The following NCOA2 variants were observed in gnomAD, a reference collection of about 807,000 sequenced individuals.
NCOA2 encodes the protein nuclear receptor coactivator 2.
NCOA2 carries 21 observed loss-of-function variants against 145.1 expected under a neutral mutation model. The observed-to-expected ratio is 0.14, with a 90% CI of 0.10 to 0.21. The LOEUF (loss-of-function observed/expected upper bound fraction) is 0.21. NCOA2 is among the 10% of genes least tolerant of loss of function. NCOA2 has a pLI of 1.00. For synonymous variants in NCOA2, 619 were observed against 637.5 expected, an observed-to-expected ratio of 0.97 and a Z score of 0.44; for missense variants, 1,472 against 1,837.6, an observed-to-expected ratio of 0.80 and a Z score of 3.64.
chr8:70,237,684 T>C (rs918685104), intron 2 of NCOA2, among the ~76,000 whole-genome samples: 1 of 152,120 alleles, frequency 6.6e-6, no homozygotes, highest in Non-Finnish European at 1.5e-5. Flanking sequence ...GTGAGAGGAC[T>C]GCTTGAGCCC....
Position 70,321,793 on chromosome 8 carries a change from CTTTTTTTTT to C in NCOA2, c.-76-25002_-76-24994del, listed in dbSNP as rs559680322. On this transcript the variant is annotated intron_variant, in intron 1 of 22. Transcript: ENST00000452400. ...TGCTTTCCTAAGTTTCAGAATATAC[CTTTTTTTTT>C]TTTTTTTTTTTTTTTTTTTGGTGAA... 3.6e-3 allele frequency among the ~76,000 whole-genome samples: 265 copies of C among 73,592 alleles called. 5 individuals are homozygous for C. The highest frequency in any genetic ancestry group is 0.015 in the African/African-American group (238 of 15,924). The allele number at this position is 73,592 out of a possible 152,430, so 48.3% of individuals were successfully genotyped here. A position where few individuals can be genotyped will look rare whatever the true frequency, so the allele number is the denominator to read the frequency against.
At chr8:70,311,728 C>A (rs1805140340) in intron 1 of NCOA2, among the ~76,000 whole-genome samples, 1 of 152,134 alleles carries the variant, frequency 6.6e-6, no homozygotes, top group Admixed American at 6.5e-5. Flanking sequence ...CTCTGTGAGA[C>A]CCAAGGCCAA....
intron 2 of NCOA2, among the ~76,000 whole-genome samples, chr8:70,276,722 G>A (rs1021555491): frequency 2.0e-5 from 3 of 152,164 alleles, no homozygotes; most frequent in Non-Finnish European, 4.4e-5. Flanking sequence ...GTGAAACTGT[G>A]AGTCAATTAA....
chr8:70,149,796 A>G (rs1371530499), intron 11 of NCOA2, among the ~76,000 whole-genome samples: 6 of 152,208 alleles, frequency 3.9e-5, no homozygotes, highest in Non-Finnish European at 8.8e-5. Context: ...GATTTTCTTG[A>G]TGTGTAAGTG....
intron 1 of NCOA2, among the ~76,000 whole-genome samples, chr8:70,317,578 T>C (rs1359070512): frequency 1.3e-5 from 2 of 152,150 alleles, no homozygotes; most frequent in Non-Finnish European, 2.9e-5. Context: ...TATGAGTAAG[T>C]GTTAGGTCCC....
the NCOA2 span, among the ~76,000 whole-genome samples, chr8:70,420,435 T>C: frequency 8.5e-4 from 129 of 152,270 alleles, no homozygotes; most frequent in Middle Eastern, 3.4e-3. Context: ...CAGGTGAGTC[T>C]AATGTGAAGG....
intron 1 of NCOA2, among the ~76,000 whole-genome samples, chr8:70,312,847 C>T (rs1194751104): frequency 2.0e-5 from 3 of 151,842 alleles, no homozygotes; most frequent in South Asian, 2.1e-4. Context: ...AGTGTACTCT[C>T]GTGACACAAA....
intron 2 of NCOA2, among the ~76,000 whole-genome samples, chr8:70,272,611 C>T (rs1825139400): frequency 6.6e-6 from 1 of 152,096 alleles, no homozygotes; most frequent in Admixed American, 6.5e-5. Context: ...TATAAGTCAA[C>T]CCAAAGGGGA....
intron 2 of NCOA2, among the ~76,000 whole-genome samples, chr8:70,218,954 C>T (rs903222135): frequency 6.6e-6 from 1 of 152,096 alleles, no homozygotes; most frequent in Non-Finnish European, 1.5e-5. Flanking sequence ...TCAGAAAGAT[C>T]AGAAAGCTTT....
intron 1 of NCOA2, among the ~76,000 whole-genome samples, chr8:70,310,540 G>T (rs1202925249): frequency 6.6e-6 from 1 of 151,974 alleles, no homozygotes; most frequent in South Asian, 2.1e-4. Flanking sequence ...CAAGGCATGC[G>T]TAATGAATTC....
At position 70,112,343 on chromosome 8, in the gene NCOA2, A is replaced by C. The variant is rs1806616668; in HGVS notation, c.*1289T>G. 1.5e-5 allele frequency: 3 copies of C among 193,626 alleles called. No homozygotes were observed. The highest frequency in any genetic ancestry group is 2.2e-5 in the Non-Finnish European group (2 of 92,650). The allele number at this position is 193,626 out of a possible 1,614,324, so 12.0% of individuals were successfully genotyped here. On this transcript the variant is annotated 3_prime_UTR_variant, in exon 23 of 23. Transcript: ENST00000452400. ...TTCCACAATATGTATACCTCACAAA[A>C]ATTATACAATTAAAACACATAAGTT...
chr8:70,161,019 G>A (rs1812938182), intron 9 of NCOA2, among the ~76,000 whole-genome samples: 1 of 152,162 alleles, frequency 6.6e-6, no homozygotes, highest in Non-Finnish European at 1.5e-5. Context: ...TTTCCTCTTG[G>A]TCTACATCCA....
Position 70,121,292 on chromosome 8 carries a change from T to C in NCOA2, c.4383+10A>G. 6.2e-7 allele frequency: 1 copy of C among 1,608,316 alleles called. No homozygotes were observed. Among genetic ancestry groups the C allele is most frequent in the Non-Finnish European group, 8.5e-7 (1 of 1,176,326 alleles). ...CTTCCATATTCATATATTTCACTGT[T>C]CTTTCTTACCCGTGTTGTGTCTCCC... On this transcript the variant is annotated intron_variant, in intron 22 of 22. Coordinates refer to ENST00000452400, the MANE Select transcript of NCOA2 (RefSeq NM_006540.4).
intron 1 of NCOA2, among the ~76,000 whole-genome samples, chr8:70,307,042 C>T (rs910831662): frequency 6.6e-6 from 1 of 152,140 alleles, no homozygotes; most frequent in Non-Finnish European, 1.5e-5. Context: ...GCTCCCTTCT[C>T]TGCAATTCTT....
At chr8:70,369,162 C>T (rs1810992615) in intron 1 of NCOA2, among the ~76,000 whole-genome samples, 1 of 152,174 alleles carries the variant, frequency 6.6e-6, no homozygotes, top group Non-Finnish European at 1.5e-5. Context: ...AATGAATAGA[C>T]TTCACTTGAA....
At chr8:70,191,388 C>T (rs916134365) in intron 4 of NCOA2, among the ~76,000 whole-genome samples, 1 of 152,150 alleles carries the variant, frequency 6.6e-6, no homozygotes, top group Non-Finnish European at 1.5e-5. Context: ...TGAAATAATG[C>T]CAGTCAAAAG....
chr8:70,441,816 G>GA, the NCOA2 span, among the ~76,000 whole-genome samples: 2 of 116,800 alleles, frequency 1.7e-5, no homozygotes, highest in African/African-American at 6.6e-5. Context: ...AAGAAAGAAA[G>GA]AAGAAAGAAG....
chr8:70,446,283 G>A, the NCOA2 span, among the ~76,000 whole-genome samples: 2 of 152,110 alleles, frequency 1.3e-5, no homozygotes, highest in Non-Finnish European at 2.9e-5. Context: ...CCCTTTATCG[G>A]CTCCAGGGCT....
Position 70,110,852 on chromosome 8 carries a change from CA to C in NCOA2, c.*2779del, listed in dbSNP as rs1806475063. 1 of 222,286 alleles carries C rather than the reference CA, an allele frequency of 4.5e-6. No homozygotes were observed. Among genetic ancestry groups the C allele is most frequent in the Non-Finnish European group, 9.0e-6 (1 of 111,298 alleles). 13.8% of individuals were successfully genotyped at this position (222,286 alleles called of 1,614,324 possible). A position where few individuals can be genotyped will look rare whatever the true frequency, so the allele number is the denominator to read the frequency against. On this transcript the variant is annotated 3_prime_UTR_variant, in exon 23 of 23. Transcript: ENST00000452400. Reference sequence around the variant, plus strand: ...ACATGAACACTTAAAATGAGTTTTACAACCAAGTTAATGTATGTATACTTTT... The same window carrying C: ...ACATGAACACTTAAAATGAGTTTTACACCAAGTTAATGTATGTATACTTTT...
Sources: gnomAD v4.1 joint callset for allele counts (sites outside exome capture counted in the v4.1 genomes callset) on GRCh38, gnomAD v4.1.1 for gene constraint, MANE v1.5 for transcripts, NCBI Gene and HGNC (gene_info 2026-07-23, HGNC 2026-07-21) for gene names.